ATXN1L: variants seen among roughly 807,000 people sequenced by gnomAD.
ATXN1L encodes ataxin-1-like.
A neutral mutation model predicts 43.4 loss-of-function variants in ATXN1L; 8 were observed. The ratio of observed to expected loss-of-function variants is 0.18; its 90% confidence interval spans 0.11 to 0.33. The LOEUF is 0.33. ATXN1L is among the 10% of genes least tolerant of loss of function. ATXN1L has a pLI of 1.00. For synonymous variants in ATXN1L, 379 were observed against 360.6 expected (o/e 1.05, Z -0.58); for missense variants, 856 against 885.4 (o/e 0.97, Z 0.42).
Position 71,853,690 on chromosome 16 carries a change from T to C in ATXN1L, c.*1880T>C, listed in dbSNP as rs535942267. 1.2e-5 allele frequency: 2 copies of C among 167,088 alleles called. No individual in the cohort carries two copies. The highest frequency in any genetic ancestry group is 2.1e-4 in the South Asian group (1 of 4,818). The allele number at this position is 167,088 out of a possible 1,614,324, so 10.4% of individuals were successfully genotyped here. ...GTTCTGAGAATGGAGTCATTCTTAG[T>C]GTTCAGGTGCTAAAGGTTGTTCTCC... On this transcript the variant is annotated 3_prime_UTR_variant, in exon 3 of 3. Transcript: ENST00000427980.
Position 71,849,905 on chromosome 16 carries a change from C to T in ATXN1L, c.165C>T (p.Ser55=). 1 of 1,551,092 alleles carries T rather than the reference C, an allele frequency of 6.4e-7. No homozygotes were observed. Among genetic ancestry groups the T allele is most frequent in the Non-Finnish European group, 8.7e-7 (1 of 1,146,618 alleles). ...WSRGVVVAGQ[S]QAGARVSLGG... Reference sequence around the variant, plus strand: ...GAGGGGTTGTGGTGGCTGGGCAGAGCCAGGCAGGAGCCAGAGTCAGCCTGG... The same window carrying T: ...GAGGGGTTGTGGTGGCTGGGCAGAGTCAGGCAGGAGCCAGAGTCAGCCTGG... The change falls in exon 3 of 3, where the codon AGC becomes AGT. Residue 55 remains serine, a synonymous_variant. Transcript: ENST00000427980.
At chr16:71,847,125 A>G (rs1308918114) in intron 1 of ATXN1L, among the ~76,000 whole-genome samples, 1 of 152,194 alleles carries the variant, frequency 6.6e-6, no homozygotes, top group African/African-American at 2.4e-5. Flanking sequence ...CAATCTTAAG[A>G]GAGAAATGTT....
chr16:71,850,601 T>G lies in ATXN1L; in HGVS notation c.861T>G (p.Leu287=), dbSNP rs1318144604. Reference sequence around the variant, plus strand: ...TAGTAAGACGGGAAAGTGAAGCCCTTGACTCCCCCAACAGCAAGGGTGAAG... The same window carrying G: ...TAGTAAGACGGGAAAGTGAAGCCCTGGACTCCCCCAACAGCAAGGGTGAAG... ...RNLVRRESEA[L]DSPNSKGEGQ... Residue 287 remains leucine (L), a synonymous_variant, in exon 3 of 3, where the codon CTT becomes CTG. Coordinates refer to ENST00000427980, the MANE Select transcript of ATXN1L (RefSeq NM_001137675.4). 1.7e-5 allele frequency: 26 copies of G among 1,551,562 alleles called. No individual in the cohort carries two copies. Among genetic ancestry groups the G allele is most frequent in the Non-Finnish European group, 2.1e-5 (24 of 1,147,000 alleles).
Position 71,852,449 on chromosome 16 carries a change from C to T in ATXN1L, c.*639C>T, listed in dbSNP as rs1380078492. On this transcript the variant is annotated 3_prime_UTR_variant, in exon 3 of 3. Coordinates refer to ENST00000427980, the MANE Select transcript of ATXN1L (RefSeq NM_001137675.4). Reference sequence around the variant, plus strand: ...TTCCCCATCTCTCCTCACCATTCTGCCTACAAGGCTTCTAGCAGCACGGGG... The same window carrying T: ...TTCCCCATCTCTCCTCACCATTCTGTCTACAAGGCTTCTAGCAGCACGGGG... 6.0e-6 allele frequency: 1 copy of T among 167,254 alleles called. No homozygotes were observed. The highest frequency in any genetic ancestry group is 6.5e-5 in the Admixed American group (1 of 15,286). 10.4% of individuals were successfully genotyped at this position (167,254 alleles called of 1,614,324 possible).
rs1239831246 is a variant in ATXN1L, at chr16:71,850,613, C to T, written c.873C>T (p.Asn291=). 7.7e-6 allele frequency: 12 copies of T among 1,551,716 alleles called. No individual in the cohort carries two copies. In the South Asian group the frequency reaches 1.4e-4, roughly 18 times the overall value. Residue 291 remains asparagine, a synonymous_variant, in exon 3 of 3, where the codon AAC becomes AAT. Transcript: ENST00000427980. ...AAAGTGAAGCCCTTGACTCCCCCAA[C>T]AGCAAGGGTGAAGGCCAGGGACTGG... ...RRESEALDSP[N]SKGEGQGLVP...
chr16:71,851,094 G>C lies in ATXN1L; in HGVS notation c.1354G>C (p.Asp452His), dbSNP rs370440155. ...LDVQARATFP[D>H]KEPTPPPITS... ...CGTGCAGGCCAGAGCCACCTTCCCA[G>C]ACAAGGAGCCAACGCCGCCCCCCAT... The change falls in exon 3 of 3, where the codon GAC becomes CAC. Residue 452 changes from aspartate to histidine, a missense_variant. Physicochemically the swap from Asp to His is moderately conservative, Grantham distance 81 (BLOSUM62 -1). Around this residue, in one of 7 missense-constraint regions of ATXN1L, gnomAD observed 490 missense variants for 449.4 expected, o/e 1.09. Transcript: ENST00000427980. The surrounding 1 kb of genome is among the most constrained non-coding windows in gnomAD (Gnocchi z 4.9). 3.2e-5 allele frequency: 50 copies of C among 1,551,546 alleles called. No individual in the cohort carries two copies. The African/African-American group carries it at 5.7e-4, about 18-fold the overall frequency.
chr16:71,856,971 A>G lies in ATXN1L; in HGVS notation c.*5161A>G, dbSNP rs373777187. ...GCTGAATTAATATGTAATCAACTGC[A>G]TTGTATCTAAAGCCTTAGAACTAGT... On this transcript the variant is annotated 3_prime_UTR_variant, in exon 3 of 3. Transcript: ENST00000427980. 1 of 167,102 alleles carries G rather than the reference A, an allele frequency of 6.0e-6. No individual in the cohort carries two copies. Among genetic ancestry groups the G allele is most frequent in the South Asian group, 2.1e-4 (1 of 4,836 alleles). The allele number at this position is 167,102 out of a possible 1,614,324, so 10.4% of individuals were successfully genotyped here.
chr16:71,857,075 G>C lies in ATXN1L; in HGVS notation c.*5265G>C, dbSNP rs1209969125. 2 of 166,970 alleles carry C rather than the reference G, an allele frequency of 1.2e-5. No homozygotes were observed. Among genetic ancestry groups the C allele is most frequent in the Non-Finnish European group, 2.9e-5 (2 of 68,114 alleles). The allele number at this position is 166,970 out of a possible 1,614,324, so 10.3% of individuals were successfully genotyped here. A position where few individuals can be genotyped will look rare whatever the true frequency, so the allele number is the denominator to read the frequency against. On this transcript the variant is annotated 3_prime_UTR_variant, in exon 3 of 3. Coordinates refer to ENST00000427980, the MANE Select transcript of ATXN1L (RefSeq NM_001137675.4). ...TTAACAAAGCATTAATAATTCTAAGGATAATCTCTATTTTGTTGTGCTTTT... is the reference window on the plus strand; with the variant it reads ...TTAACAAAGCATTAATAATTCTAAGCATAATCTCTATTTTGTTGTGCTTTT...
At position 71,850,195 on chromosome 16, in the gene ATXN1L, C is replaced by G; in HGVS notation, c.455C>G (p.Pro152Arg). Residue 152 changes from proline (P) to arginine (R), a missense_variant, in exon 3 of 3, where the codon CCT (proline) becomes CGT (arginine). Around this residue, in one of 7 missense-constraint regions of ATXN1L, gnomAD observed 490 missense variants for 449.4 expected, o/e 1.09. Transcript: ENST00000427980. ...SPYSLPYAVPPNFLPSPLLSP... is the reference protein window; with the variant it reads ...SPYSLPYAVPRNFLPSPLLSP... ...TATAGCCTTCCCTATGCTGTGCCACCTAATTTCCTACCGAGTCCCCTCCTA... is the reference window on the plus strand; with the variant it reads ...TATAGCCTTCCCTATGCTGTGCCACGTAATTTCCTACCGAGTCCCCTCCTA... 1.9e-6 allele frequency: 3 copies of G among 1,551,722 alleles called. No homozygotes were observed. Among genetic ancestry groups the G allele is most frequent in the Non-Finnish European group, 2.6e-6 (3 of 1,146,988 alleles).
In ATXN1L at chr16:71,853,145, A is replaced by T. The variant is rs1320479992; in HGVS notation, c.*1335A>T. ...GCCATCCCCTCCCACCACCAGCTCTAAGATTCTAGGATAGTCTTGATAACA... is the reference window on the plus strand; with the variant it reads ...GCCATCCCCTCCCACCACCAGCTCTTAGATTCTAGGATAGTCTTGATAACA... On this transcript the variant is annotated 3_prime_UTR_variant, in exon 3 of 3. Transcript: ENST00000427980. 2 of 167,066 alleles carry T rather than the reference A, an allele frequency of 1.2e-5. No individual in the cohort carries two copies. Among genetic ancestry groups the T allele is most frequent in the Non-Finnish European group, 2.9e-5 (2 of 68,132 alleles). 10.3% of individuals were successfully genotyped at this position (167,066 alleles called of 1,614,324 possible). A position where few individuals can be genotyped will look rare whatever the true frequency, so the allele number is the denominator to read the frequency against.
chr16:71,846,973 C>A (rs1253616096), intron 1 of ATXN1L, among the ~76,000 whole-genome samples: 1 of 152,030 alleles, frequency 6.6e-6, no homozygotes, highest in Non-Finnish European at 1.5e-5. Context: ...AAGCAAGCTG[C>A]TTTTCAGTTA....
Position 71,851,174 on chromosome 16 carries a change from T to C in ATXN1L, c.1434T>C (p.Ala478=), listed in dbSNP as rs779433425. 3 of 1,551,676 alleles carry C rather than the reference T, an allele frequency of 1.9e-6. No individual in the cohort carries two copies. Among genetic ancestry groups the C allele is most frequent in the Non-Finnish European group, 2.6e-6 (3 of 1,146,980 alleles). ...TGAAAGGCGCCATCATCCAGCTGGC[T>C]ACGGGAGAGCTGAAGCGGGTGGAGG... ...HFMKGAIIQL[A]TGELKRVEDL... Residue 478 remains alanine (A), a synonymous_variant, in exon 3 of 3, where the codon GCT becomes GCC. Coordinates refer to ENST00000427980, the MANE Select transcript of ATXN1L (RefSeq NM_001137675.4). This position sits in a 1 kb window ranked among gnomAD's most constrained non-coding sequence, Gnocchi z 4.9.
Position 71,852,785 on chromosome 16 carries a change from C to T in ATXN1L, c.*975C>T, listed in dbSNP as rs2033517737. ...CCCCACCCTCCTGCTGCGCTGACCG[C>T]TGCATGGTGTCGTGACCTGGGCCTC... On this transcript the variant is annotated 3_prime_UTR_variant, in exon 3 of 3. Coordinates refer to ENST00000427980, the MANE Select transcript of ATXN1L (RefSeq NM_001137675.4). 1 of 167,328 alleles carries T rather than the reference C, an allele frequency of 6.0e-6. No homozygotes were observed. Among genetic ancestry groups the T allele is most frequent in the African/African-American group, 2.4e-5 (1 of 41,458 alleles). 10.4% of individuals were successfully genotyped at this position (167,328 alleles called of 1,614,324 possible).
In ATXN1L at chr16:71,851,730, C is replaced by T. The variant is rs1175619922; in HGVS notation, c.1990C>T (p.Arg664Trp). The change falls in exon 3 of 3, where the codon CGG becomes TGG. Residue 664 changes from arginine (R) to tryptophan (W), a missense_variant. Physicochemically the swap from Arg to Trp is moderately radical, Grantham distance 101. Transcript: ENST00000427980. This position sits in a 1 kb window ranked among gnomAD's most constrained non-coding sequence, Gnocchi z 4.9. Reference sequence around the variant, plus strand: ...ATACAGCATGCAAGGGGAGGAGGCACGGGCTGCGCTGCTCCGTCCCTCTTT... The same window carrying T: ...ATACAGCATGCAAGGGGAGGAGGCATGGGCTGCGCTGCTCCGTCCCTCTTT... ...QRYSMQGEEA[R>W]AALLRPSFIP... 2.3e-5 allele frequency: 34 copies of T among 1,467,568 alleles called. No homozygotes were observed. Among genetic ancestry groups the T allele is most frequent in the Middle Eastern group, 1.8e-4 (1 of 5,586 alleles). 90.9% of individuals were successfully genotyped at this position (1,467,568 alleles called of 1,614,324 possible).
At chr16:71,848,941 G>A (rs1267972286) in intron 2 of ATXN1L, among the ~76,000 whole-genome samples, 8 of 152,236 alleles carry the variant, frequency 5.3e-5, no homozygotes, top group South Asian at 4.1e-4. Context: ...GAGGCTGGGC[G>A]CTGTGGCTCA....
chr16:71,851,690 C>T lies in ATXN1L; in HGVS notation c.1950C>T (p.Ala650=). 6.7e-7 allele frequency: 1 copy of T among 1,493,978 alleles called. No individual in the cohort carries two copies. Among genetic ancestry groups the T allele is most frequent in the Non-Finnish European group, 9.0e-7 (1 of 1,116,922 alleles). 92.5% of individuals were successfully genotyped at this position (1,493,978 alleles called of 1,614,324 possible). A position where few individuals can be genotyped will look rare whatever the true frequency, so the allele number is the denominator to read the frequency against. ...CCGGTGCTCAGGCCTGCTGGCCAGC[C>T]CCGAGCTTCCAAAGATACAGCATGC... ...PESGAQACWP[A]PSFQRYSMQG... Residue 650 remains alanine, a synonymous_variant, in exon 3 of 3, where the codon GCC becomes GCT. Coordinates refer to ENST00000427980, the MANE Select transcript of ATXN1L (RefSeq NM_001137675.4). This position sits in a 1 kb window ranked among gnomAD's most constrained non-coding sequence, Gnocchi z 4.9.
In ATXN1L at chr16:71,854,850, A is replaced by G. The variant is rs2142325081; in HGVS notation, c.*3040A>G. 1 of 167,052 alleles carries G rather than the reference A, an allele frequency of 6.0e-6. No individual in the cohort carries two copies. The highest frequency in any genetic ancestry group is 1.9e-4 in the East Asian group (1 of 5,202). 10.3% of individuals were successfully genotyped at this position (167,052 alleles called of 1,614,324 possible). ...AATAGGGGAACCCAGTCATGGATGGATAATAAGCCAAGTCTTGAATCATTC... is the reference window on the plus strand; with the variant it reads ...AATAGGGGAACCCAGTCATGGATGGGTAATAAGCCAAGTCTTGAATCATTC... On this transcript the variant is annotated 3_prime_UTR_variant, in exon 3 of 3. Transcript: ENST00000427980.
chr16:71,850,654 G>A lies in ATXN1L; in HGVS notation c.914G>A (p.Cys305Tyr), dbSNP rs1246204336. The A allele has an allele frequency of 6.4e-7, 1 of 1,551,630 alleles. No homozygotes were observed. Among genetic ancestry groups the A allele is most frequent in the Non-Finnish European group, 8.7e-7 (1 of 1,147,012 alleles). ...CAGGGACTGGTGCCAGTGGTAGAAT[G>A]TGTGGTGGATGGACAGTTGTTTTCA... ...EGQGLVPVVE[C>Y]VVDGQLFSGS... The change falls in exon 3 of 3, where the codon TGT becomes TAT. Residue 305 changes from cysteine to tyrosine, a missense_variant. Cys to Tyr is a radical substitution (Grantham distance 194). Around this residue, in one of 7 missense-constraint regions of ATXN1L, gnomAD observed 490 missense variants for 449.4 expected, o/e 1.09. Coordinates refer to ENST00000427980, the MANE Select transcript of ATXN1L (RefSeq NM_001137675.4).
At chr16:71,848,940 C>T (rs1028509791) in intron 2 of ATXN1L, among the ~76,000 whole-genome samples, 3 of 151,398 alleles carry the variant, frequency 2.0e-5, no homozygotes, top group Admixed American at 2.0e-4. Context: ...GGAGGCTGGG[C>T]GCTGTGGCTC....
Sources: gnomAD v4.1 joint callset for allele counts (sites outside exome capture counted in the v4.1 genomes callset) on GRCh38, gnomAD v4.1.1 for gene constraint, gnomAD v4.1.1 regional missense constraint, Gnocchi (gnomAD v3.1) non-coding constraint, MANE v1.5 for transcripts, NCBI Gene and HGNC (gene_info 2026-07-23, HGNC 2026-07-21) for gene names.